The following CLPB variants were observed in gnomAD, a reference collection of about 807,000 sequenced individuals.
CLPB encodes mitochondrial disaggregase.
In CLPB, 40 loss-of-function variants were observed where a neutral mutation model predicts 78.4. The observed-to-expected ratio is 0.51, with a 90% CI of 0.40 to 0.66. The LOEUF is 0.66. CLPB is among the 30% of genes least tolerant of loss of function. CLPB has a pLI of 0.00. For missense variants in CLPB, 780 were observed against 886.9 expected (o/e 0.88, Z 1.53); for synonymous variants, 333 against 348.0 (o/e 0.96, Z 0.48).
chr11:72,412,540 G>A (rs1178145974), intron 2 of CLPB, among the ~76,000 whole-genome samples: 1 of 152,184 alleles, frequency 6.6e-6, no homozygotes, highest in Non-Finnish European at 1.5e-5. Context: ...GGGAGGCTCA[G>A]AAAGCGTCCC....
chr11:72,352,094 G>A (rs968250951), intron 5 of CLPB, among the ~76,000 whole-genome samples: 2 of 152,208 alleles, frequency 1.3e-5, no homozygotes, highest in East Asian at 1.9e-4. Flanking sequence ...CCACTGATTA[G>A]TTTTCTCTAT....
intron 2 of CLPB, among the ~76,000 whole-genome samples, chr11:72,419,060 G>T (rs1253683000): frequency 6.6e-6 from 1 of 152,064 alleles, no homozygotes; most frequent in Non-Finnish European, 1.5e-5. Flanking sequence ...CAAAAAGGCA[G>T]ACACAGAACA....
chr11:72,390,079 A>G (rs1220752386), intron 3 of CLPB, among the ~76,000 whole-genome samples: 1 of 152,172 alleles, frequency 6.6e-6, no homozygotes, highest in Non-Finnish European at 1.5e-5. Context: ...ACTGACTTTC[A>G]GGTAGTTAAT....
chr11:72,337,394 GC>G (rs1950341697), intron 5 of CLPB, among the ~76,000 whole-genome samples: 2 of 151,240 alleles, frequency 1.3e-5, no homozygotes, highest in African/African-American at 4.9e-5. Flanking sequence ...GGTGAAGACA[GC>G]AGGAGACATT....
intron 5 of CLPB, among the ~76,000 whole-genome samples, chr11:72,331,316 A>G (rs560135914): frequency 2.1e-4 from 32 of 151,816 alleles, no homozygotes; most frequent in Admixed American, 8.5e-4. Context: ...AGGCAGGAAA[A>G]TAGTGTGAAC....
chr11:72,308,227 C>T lies in CLPB; in HGVS notation c.1066+300G>A, dbSNP rs777040457. ...AACTGTTCCCGAAGGGGAGGCTCTGCGCATGCAGAGTGGCTGGACCAGGGT... is the reference window on the plus strand; with the variant it reads ...AACTGTTCCCGAAGGGGAGGCTCTGTGCATGCAGAGTGGCTGGACCAGGGT... On this transcript the variant is annotated intron_variant, in intron 8 of 15. Transcript: ENST00000538039. 5.3e-5 allele frequency among the ~76,000 whole-genome samples: 8 copies of T among 152,208 alleles called. 1 individual carries two copies. The highest frequency in any genetic ancestry group is 7.2e-5 in the African/African-American group (3 of 41,452).
At chr11:72,380,252 C>T (rs965031969) in intron 4 of CLPB, 29 bp downstream of exon 4, 3 of 1,542,540 alleles carry the variant, frequency 1.9e-6, no homozygotes. Context: ...GAGGAGAGCT[C>T]TCAGAGAAGC....
At chr11:72,428,763 A>G (rs889810529) in intron 2 of CLPB, 7 of 152,248 alleles carry the variant, frequency 4.6e-5, no homozygotes, top group African/African-American at 1.4e-4. Context: ...TATCCACACG[A>G]GAATGAATGT....
chr11:72,350,085 C>T (rs988089767), intron 5 of CLPB, among the ~76,000 whole-genome samples: 12 of 152,206 alleles, frequency 7.9e-5, no homozygotes, highest in African/African-American at 2.7e-4. Context: ...AGTGGCTCCT[C>T]GATGTCCACA....
intron 6 of CLPB, among the ~76,000 whole-genome samples, chr11:72,323,611 C>CTGAG (rs1950082706): frequency 6.7e-6 from 1 of 148,382 alleles, no homozygotes; most frequent in Admixed American, 6.7e-5. Context: ...CAAGGAAAGA[C>CTGAG]TGAGGAACCA....
chr11:72,332,168 A>G (rs1950239018), intron 5 of CLPB, among the ~76,000 whole-genome samples: 1 of 152,152 alleles, frequency 6.6e-6, no homozygotes, highest in Non-Finnish European at 1.5e-5. Flanking sequence ...TTCACACACC[A>G]TAAAATTAAA....
chr11:72,323,384 T>C (rs1043005106), intron 6 of CLPB, among the ~76,000 whole-genome samples: 5 of 151,798 alleles, frequency 3.3e-5, no homozygotes, highest in African/African-American at 9.7e-5. Context: ...CTAGCCAACA[T>C]GGTGAAACCT....
At chr11:72,348,912 A>G (rs536891842) in intron 5 of CLPB, among the ~76,000 whole-genome samples, 1 of 152,354 alleles carries the variant, frequency 6.6e-6, no homozygotes, top group Non-Finnish European at 1.5e-5. Flanking sequence ...ATCTTCTGTG[A>G]ACTCACTGTT....
rs766857886 is a variant in CLPB at position 72,434,511 on chromosome 11, C to A, written c.-37G>T. 4.6e-6 allele frequency: 7 copies of A among 1,511,966 alleles called. No homozygotes were observed. In the Admixed American group the frequency reaches 1.6e-4, roughly 34 times the overall value. The allele number at this position is 1,511,966 out of a possible 1,614,324, so 93.7% of individuals were successfully genotyped here. On this transcript the variant is annotated 5_prime_UTR_variant, in exon 1 of 16. Transcript: ENST00000538039. ...CTTCGATAACCCCGTGGTGCCGGCC[C>A]CTGTGCTGACCACGTCCAACATGGC...
intron 3 of CLPB, among the ~76,000 whole-genome samples, chr11:72,395,073 C>T (rs1855366288): frequency 6.6e-6 from 1 of 152,178 alleles, no homozygotes; most frequent in Non-Finnish European, 1.5e-5. Context: ...TGCCCAACTC[C>T]TCTGAAAGGG....
rs1327757426 is a variant in CLPB, at chr11:72,293,180, A to G, written c.*187T>C. Reference sequence around the variant, plus strand: ...TATGGGCCCACAACAAAGGGGCCAGAGTAGGGCGAAATTCCTCCTTCAGGT... The same window carrying G: ...TATGGGCCCACAACAAAGGGGCCAGGGTAGGGCGAAATTCCTCCTTCAGGT... On this transcript the variant is annotated 3_prime_UTR_variant, in exon 16 of 16. Transcript: ENST00000538039. 1.5e-6 allele frequency: 1 copy of G among 682,190 alleles called. No homozygotes were observed. The highest frequency in any genetic ancestry group is 2.4e-6 in the Non-Finnish European group (1 of 412,316). The allele number at this position is 682,190 out of a possible 1,614,324, so 42.3% of individuals were successfully genotyped here. A position where few individuals can be genotyped will look rare whatever the true frequency, so the allele number is the denominator to read the frequency against.
rs139964465 is a variant in CLPB at position 72,362,133 on chromosome 11, G to A, written c.647-3125C>T. The stretch of plus-strand genomic sequence containing the variant: ...TTTTGTAAATACTATTCGACTGCCT[G>A]GAACATCTTCCCCTCTCCCATGCCT... On this transcript the variant is annotated intron_variant, in intron 4 of 15. Coordinates refer to ENST00000538039, the MANE Select transcript of CLPB (RefSeq NM_001258392.3). Among the ~76,000 whole-genome samples, 10 of 152,284 alleles carry A rather than the reference G, an allele frequency of 6.6e-5. No individual in the cohort carries two copies. In the East Asian group the frequency reaches 1.9e-3, roughly 29 times the overall value.
At chr11:72,420,951 G>C (rs923588491) in intron 2 of CLPB, among the ~76,000 whole-genome samples, 7 of 152,174 alleles carry the variant, frequency 4.6e-5, no homozygotes, top group Non-Finnish European at 1.0e-4. Flanking sequence ...CCAGAGGTCG[G>C]GAGTTCGGGA....
intron 11 of CLPB, among the ~76,000 whole-genome samples, chr11:72,297,140 G>C (rs774193446): frequency 6.6e-6 from 1 of 152,332 alleles, no homozygotes; most frequent in South Asian, 2.1e-4. Context: ...GATTTCTTTT[G>C]GGAAGCAGAG....
Sources: allele counts gnomAD v4.1 joint callset (sites outside exome capture counted in the v4.1 genomes callset), GRCh38; gene constraint gnomAD v4.1.1; transcripts MANE v1.5; gene names NCBI Gene and HGNC (gene_info 2026-07-23, HGNC 2026-07-21).